Variants in PPP2R3B observed in about 807,000 individuals in gnomAD.
The protein encoded by PPP2R3B is serine/threonine-protein phosphatase 2A regulatory subunit B'' subunit beta.
In PPP2R3B, 68 loss-of-function variants were observed where a neutral mutation model predicts 72.9. That is an observed-to-expected ratio of 0.93 (90% CI 0.77 to 1.14). PPP2R3B has a LOEUF of 1.14. Among genes scored for constraint, PPP2R3B ranks in the 50% most tolerant of loss-of-function variants. The pLI, the probability that PPP2R3B is intolerant of heterozygous loss-of-function variation, is 0.00. For synonymous variants in PPP2R3B, 466 were observed against 375.8 expected (o/e 1.24, Z -2.78); for missense variants, 1,018 against 842.0 (o/e 1.21, Z -2.59).
At chrX:365,945 G>T (rs2071699731) in intron 1 of PPP2R3B, among the ~76,000 whole-genome samples, 1 of 8,122 alleles carries the variant, frequency 1.2e-4, no homozygotes, top group African/African-American at 1.8e-3. Context: ...GGCTGAGGCA[G>T]GAGAATCGCT....
intron 1 of PPP2R3B, among the ~76,000 whole-genome samples, chrX:384,254 CAAG>C (rs1299519963): frequency 4.0e-5 from 6 of 149,804 alleles, no homozygotes; most frequent in African/African-American, 1.5e-4. Context: ...CTCGCGCACG[CAAG>C]AAGACTCTCT....
At chrX:360,738 G>A (rs918067441) in intron 2 of PPP2R3B, among the ~76,000 whole-genome samples, 5 of 152,138 alleles carry the variant, frequency 3.3e-5, no homozygotes, top group East Asian at 1.9e-4. Context: ...CTGGAGATGC[G>A]GGCACAGGTC....
At position 367,778 on chromosome X, in the gene PPP2R3B, C is replaced by T. The variant is rs1022689086; in HGVS notation, c.325-6188G>A. On this transcript the variant is annotated intron_variant, in intron 1 of 12. Transcript: ENST00000390665. ...GACTGCAGAAAGAAAACAGCATTCA[C>T]GTACATGGGAGACACAGAGGACAGA... is the stretch of plus-strand genomic sequence containing the variant. Among the ~76,000 whole-genome samples the T allele has an allele frequency of 4.6e-5, 7 of 152,296 alleles. No homozygotes were observed. The East Asian group carries it at 5.8e-4, about 13-fold the overall frequency.
chrX:383,274 A>G (rs2072164138), intron 1 of PPP2R3B, among the ~76,000 whole-genome samples: 1 of 152,308 alleles, frequency 6.6e-6, no homozygotes, highest in African/African-American at 2.4e-5. Flanking sequence ...GCAAGTAGAG[A>G]GGCTGGTCCA....
intron 1 of PPP2R3B, among the ~76,000 whole-genome samples, chrX:382,971 G>A (rs2124424947): frequency 6.6e-6 from 1 of 152,072 alleles, no homozygotes; most frequent in East Asian, 1.9e-4. Flanking sequence ...AACCTCCTCA[G>A]TAAATGAGGG....
At chrX:357,415 G>A (rs1311632905) in intron 2 of PPP2R3B, among the ~76,000 whole-genome samples, 1 of 152,174 alleles carries the variant, frequency 6.6e-6, no homozygotes, top group Non-Finnish European at 1.5e-5. Context: ...GGAAGTGTAT[G>A]TAAAAAAGAT....
chrX:368,634 G>C (rs866016659), intron 1 of PPP2R3B, among the ~76,000 whole-genome samples: 3 of 76,628 alleles, frequency 3.9e-5, no homozygotes, highest in Admixed American at 2.6e-4. Context: ...GGGCACCGAC[G>C]GGGGGAAGGC....
intron 2 of PPP2R3B, among the ~76,000 whole-genome samples, chrX:358,971 CGGGGAAGCACCGCGGCCGGGGA>C (rs1569399569): frequency 1.1e-5 from 1 of 91,876 alleles, no homozygotes; most frequent in Non-Finnish European, 2.3e-5. Flanking sequence ...GGCGCCCTGG[CGGGGAAGCACCGCGGCCGGGGA>C]GGGGCATCGT....
At chrX:370,648 C>T (rs1425253673) in intron 1 of PPP2R3B, among the ~76,000 whole-genome samples, 1 of 152,190 alleles carries the variant, frequency 6.6e-6, no homozygotes, top group Non-Finnish European at 1.5e-5. Flanking sequence ...CAGCTCCCTG[C>T]CAGGTGGGGA....
At chrX:346,104 A>AGGAGAG in intron 6 of PPP2R3B, 70 bp downstream of exon 6, 2 of 866,716 alleles carry the variant, frequency 2.3e-6, no homozygotes, top group African/African-American at 3.2e-5. Flanking sequence ...GGGAGGAGGG[A>AGGAGAG]AGGGAAGGGA....
Position 351,383 on chromosome X carries a change from G to A in PPP2R3B, c.511-3690C>T, listed in dbSNP as rs181650256. Among the ~76,000 whole-genome samples, 980 of 152,258 alleles carry A rather than the reference G, an allele frequency of 6.4e-3. 11 individuals carry two copies. Among genetic ancestry groups the A allele is most frequent in the African/African-American group, 0.021 (880 of 41,554 alleles). ...CACCCAGGGATGGGGGGATGTGTGAGCCTTCACATCTGTGCTCCTCACCGC... is the reference window on the plus strand; with the variant it reads ...CACCCAGGGATGGGGGGATGTGTGAACCTTCACATCTGTGCTCCTCACCGC... On this transcript the variant is annotated intron_variant, in intron 2 of 12. Coordinates refer to ENST00000390665, the MANE Select transcript of PPP2R3B (RefSeq NM_013239.5).
intron 6 of PPP2R3B, 104 bp downstream of exon 6, chrX:346,068 AGG>A: frequency 2.2e-6 from 1 of 449,560 alleles, no homozygotes; most frequent in South Asian, 2.0e-5. Flanking sequence ...GGGGTGGGAG[AGG>A]GGGTGGGAGG....
intron 6 of PPP2R3B, 88 bp downstream of exon 6, chrX:346,079 GGGGAGGA>G (rs1416414133): frequency 6.1e-5 from 36 of 586,278 alleles, no homozygotes; most frequent in Admixed American, 8.0e-5. Flanking sequence ...GGGGGTGGGA[GGGGAGGA>G]GGGAGGGGGG....
At position 386,757 on chromosome X, in the gene PPP2R3B, C is replaced by T. The variant is rs1471195554; in HGVS notation, c.-66G>A. ...CCGCCCCGCCCCGGGGGCTTCGGTC[C>T]GCCCCGGACCGACCTCGGTGATGCG... is the stretch of plus-strand genomic sequence containing the variant. On this transcript the variant is annotated 5_prime_UTR_variant, in exon 1 of 13. Transcript: ENST00000390665. 23 of 1,046,078 alleles carry T rather than the reference C, an allele frequency of 2.2e-5. No homozygotes were observed. Among genetic ancestry groups the T allele is most frequent in the Non-Finnish European group, 2.6e-5 (22 of 836,578 alleles). 64.8% of individuals were successfully genotyped at this position (1,046,078 alleles called of 1,614,324 possible).
intron 8 of PPP2R3B, 96 bp from the exon 9 acceptor site, chrX:341,492 C>T: frequency 1.5e-6 from 2 of 1,308,118 alleles, no homozygotes; most frequent in Non-Finnish European, 2.2e-6. Context: ...GAGGGGAGCC[C>T]CCCGGGCCCG....
rs374511043 is a variant in PPP2R3B at position 338,665 on chromosome X, C to T, written c.1516G>A (p.Ala506Thr). ...ACCAGGATGTCGTACTCCTCGGCCGCGTACTTCTCCCAGTCCGAGAGCTCG... is the reference window on the plus strand; with the variant it reads ...ACCAGGATGTCGTACTCCTCGGCCGTGTACTTCTCCCAGTCCGAGAGCTCG... ...GPELSDWEKY[A>T]AEEYDILVAE... is the part of the protein sequence containing the mutation. Residue 506 changes from alanine (A) to threonine (T), a missense_variant, in exon 12 of 13, where the codon GCG becomes ACG. Ala to Thr is a moderately conservative substitution (Grantham distance 58). Coordinates refer to ENST00000390665, the MANE Select transcript of PPP2R3B (RefSeq NM_013239.5). The T allele has an allele frequency of 1.3e-5, 21 of 1,611,560 alleles. No homozygotes were observed. Among genetic ancestry groups the T allele is most frequent in the Non-Finnish European group, 1.8e-5 (21 of 1,179,674 alleles).
chrX:334,471 G>C lies in PPP2R3B; in HGVS notation c.1624C>G (p.Arg542Gly), dbSNP rs143186087. The C allele has an allele frequency of 5.7e-6, 9 of 1,590,840 alleles. No homozygotes were observed. In the East Asian group the frequency reaches 1.8e-4, roughly 32 times the overall value. The change falls in exon 13 of 13, where the codon CGC becomes GGC. Residue 542 changes from arginine to glycine, a missense_variant. Coordinates refer to ENST00000390665, the MANE Select transcript of PPP2R3B (RefSeq NM_013239.5). Reference sequence around the variant, plus strand: ...AAGGGCCTCTGGGCCAGCGGGGAGCGCAGCGCACTCAGCTTCTGCTCCACA... The same window carrying C: ...AAGGGCCTCTGGGCCAGCGGGGAGCCCAGCGCACTCAGCTTCTGCTCCACA... ...SPVEQKLSAL[R>G]SPLAQRPFFE...
At chrX:347,549 C>A in intron 3 of PPP2R3B, 41 bp downstream of exon 3, 1 of 1,537,080 alleles carries the variant, frequency 6.5e-7, no homozygotes, top group African/African-American at 1.4e-5. Context: ...GGGGACGCCT[C>A]CGCCCTCCCG....
At chrX:354,066 C>T (rs751185845) in intron 2 of PPP2R3B, among the ~76,000 whole-genome samples, 48 of 138,676 alleles carry the variant, frequency 3.5e-4, no homozygotes, top group African/African-American at 1.2e-3. Context: ...GACCGGGGCT[C>T]GCCCAAAGAC....
Sources: allele counts gnomAD v4.1 joint callset (sites outside exome capture counted in the v4.1 genomes callset), GRCh38; gene constraint gnomAD v4.1.1; transcripts MANE v1.5; gene names NCBI Gene and HGNC (gene_info 2026-07-23, HGNC 2026-07-21).